Variants in PCDHA1 observed in about 807,000 individuals in gnomAD.
PCDHA1 encodes the protein protocadherin alpha 1.
A neutral mutation model predicts 61.3 loss-of-function variants in PCDHA1; 42 were observed. That is an observed-to-expected ratio of 0.69 (90% confidence interval 0.54 to 0.89). The LOEUF is 0.89. Ranked by LOEUF, PCDHA1 falls within the 40% of genes least tolerant of loss-of-function variation. PCDHA1 has a pLI of 0.00. For synonymous variants in PCDHA1, 610 were observed against 553.8 expected (o/e 1.10, Z -1.43); for missense variants, 1,256 against 1,235.3 (o/e 1.02, Z -0.25).
chr5:140,982,506 C>G lies in PCDHA1; in HGVS notation c.2485C>G (p.Arg829Gly). The change falls in exon 3 of 4, where the codon CGG (arginine) becomes GGG (glycine). Residue 829 changes from arginine to glycine, a missense_variant. Transcript: ENST00000504120. ...SVHLEEAGIL[R>G]AGPGGPDQQW... Reference sequence around the variant, plus strand: ...GCACCTAGAGGAGGCTGGCATTCTACGGGCTGGTCCAGGAGGGCCTGATCA... The same window carrying G: ...GCACCTAGAGGAGGCTGGCATTCTAGGGGCTGGTCCAGGAGGGCCTGATCA... 6.2e-7 allele frequency: 1 copy of G among 1,614,162 alleles called. No homozygotes were observed. Among genetic ancestry groups the G allele is most frequent in the Non-Finnish European group, 8.5e-7 (1 of 1,180,032 alleles).
intron 1 of PCDHA1, among the ~76,000 whole-genome samples, chr5:140,941,211 C>CT (rs59928198): frequency 0.24 from 30,589 of 127,372 alleles, 3,669 homozygotes; most frequent in South Asian, 0.38. Context: ...TCCTTTCTTT[C>CT]TTCCTTTCTT....
intron 1 of PCDHA1, among the ~76,000 whole-genome samples, chr5:140,916,163 C>T (rs546851152): frequency 4.6e-5 from 7 of 152,184 alleles, no homozygotes; most frequent in Admixed American, 1.3e-4. Context: ...TGAATGCTGC[C>T]AGGCCTGGGA....
intron 1 of PCDHA1, chr5:140,821,671 C>T: frequency 2.3e-6 from 3 of 1,291,108 alleles, no homozygotes; most frequent in Non-Finnish European, 3.2e-6. Context: ...CCAAGAAGCT[C>T]AGAAAGGCGA....
chr5:140,801,550 A>G lies in PCDHA1; in HGVS notation c.2394+12866A>G, dbSNP rs782806333. On this transcript the variant is annotated intron_variant, in intron 1 of 3. Transcript: ENST00000504120. The stretch of plus-strand genomic sequence containing the variant: ...GTGGACAGGCCGCTGCAGGTTTTCC[A>G]TGTGGAGGTGGAAGTGAAGGACATT... The G allele has an allele frequency of 4.8e-5, 77 of 1,614,100 alleles. No individual in the cohort carries two copies. The highest frequency in any genetic ancestry group is 5.7e-5 in the Non-Finnish European group (67 of 1,180,048).
intron 1 of PCDHA1, chr5:140,850,278 C>T: frequency 6.3e-7 from 1 of 1,595,340 alleles, no homozygotes; most frequent in Non-Finnish European, 8.6e-7. Flanking sequence ...GGGGAAGGTG[C>T]GCGCAGTGGA....
chr5:140,951,365 A>G (rs987513388), intron 1 of PCDHA1, among the ~76,000 whole-genome samples: 17 of 152,160 alleles, frequency 1.1e-4, no homozygotes, highest in African/African-American at 4.1e-4. Context: ...ACTGTTATAA[A>G]GAAACACCCA....
intron 1 of PCDHA1, among the ~76,000 whole-genome samples, chr5:140,833,257 C>T (rs1170733217): frequency 6.6e-6 from 1 of 152,092 alleles, no homozygotes; most frequent in African/African-American, 2.4e-5. Flanking sequence ...ACCAGGAGAG[C>T]AGCAATTATA....
chr5:141,009,717 A>C lies in PCDHA1; in HGVS notation c.2633A>C (p.Gln878Pro). Residue 878 changes from glutamine to proline, a missense_variant, in exon 4 of 4, where the codon CAA becomes CCA. Coordinates refer to ENST00000504120, the MANE Select transcript of PCDHA1 (RefSeq NM_018900.4). ...AAATACGGACCAGGCAACCCCAAAC[A>C]ATCCGGTCCCGGTGAGTTGCCCGAC... ...TFKYGPGNPK[Q>P]SGPGELPDKF... is the part of the protein sequence containing the mutation. 4 of 1,614,058 alleles carry C rather than the reference A, an allele frequency of 2.5e-6. No homozygotes were observed. The highest frequency in any genetic ancestry group is 3.4e-6 in the Non-Finnish European group (4 of 1,180,004).
chr5:140,959,578 A>G (rs1554224156), intron 1 of PCDHA1, among the ~76,000 whole-genome samples: 1 of 152,188 alleles, frequency 6.6e-6, no homozygotes, highest in Non-Finnish European at 1.5e-5. Flanking sequence ...TTTTGTTTCA[A>G]TTCTATCAGC....
intron 1 of PCDHA1, among the ~76,000 whole-genome samples, chr5:140,971,957 AC>A (rs1360214556): frequency 6.6e-6 from 1 of 152,060 alleles, no homozygotes; most frequent in Non-Finnish European, 1.5e-5. Flanking sequence ...GACTCCAAAA[AC>A]TTTTTTTCAA....
intron 1 of PCDHA1, chr5:140,836,173 T>G (rs2150254721): frequency 6.2e-7 from 1 of 1,613,820 alleles, no homozygotes; most frequent in South Asian, 1.1e-5. Context: ...GTACGTGCAG[T>G]TGACGCTGAC....
chr5:140,806,993 G>T, intron 1 of PCDHA1: 1 of 679,892 alleles, frequency 1.5e-6, no homozygotes, highest in Non-Finnish European at 2.4e-6. Context: ...GCCACATGAT[G>T]TCGCTCTTTA....
At chr5:140,789,800 C>T (rs1761553848) in intron 1 of PCDHA1, among the ~76,000 whole-genome samples, 2 of 152,190 alleles carry the variant, frequency 1.3e-5, no homozygotes, top group African/African-American at 4.8e-5. Flanking sequence ...GGTGCTGAGG[C>T]TCGCAAAACC....
intron 1 of PCDHA1, among the ~76,000 whole-genome samples, chr5:140,978,124 G>A (rs1554239035): frequency 6.6e-6 from 1 of 152,140 alleles, no homozygotes; most frequent in East Asian, 1.9e-4. Context: ...GTCTTTAGGT[G>A]CCCATATTTT....
intron 3 of PCDHA1, among the ~76,000 whole-genome samples, chr5:140,998,830 C>G (rs1385890461): frequency 6.6e-6 from 1 of 152,200 alleles, no homozygotes; most frequent in African/African-American, 2.4e-5. Flanking sequence ...TCCCAAAGTG[C>G]TGGATTACTG....
intron 1 of PCDHA1, chr5:140,803,072 G>T (rs782398516): frequency 1.2e-6 from 2 of 1,613,932 alleles, no homozygotes; most frequent in South Asian, 1.1e-5. Context: ...TTCGCGTGGG[G>T]CTGTACACGG....
intron 1 of PCDHA1, chr5:140,861,826 A>T (rs1350185354): frequency 1.9e-5 from 3 of 159,376 alleles, no homozygotes; most frequent in African/African-American, 7.2e-5. Flanking sequence ...CAGATAGGTA[A>T]GTCACTTCAG....
At chr5:140,872,801 C>T (rs2053909345) in intron 1 of PCDHA1, among the ~76,000 whole-genome samples, 1 of 152,086 alleles carries the variant, frequency 6.6e-6, no homozygotes, top group African/African-American at 2.4e-5. Context: ...GGCATTCTTC[C>T]ATAAGTTTTT....
chr5:140,787,362 C>T lies in PCDHA1; in HGVS notation c.1072C>T (p.Pro358Ser), dbSNP rs1761365401. Residue 358 changes from proline (P) to serine (S), a missense_variant, in exon 1 of 4, where the codon CCT (proline) becomes TCT (serine). Pro to Ser is a moderately conservative substitution (Grantham distance 74). Coordinates refer to ENST00000504120, the MANE Select transcript of PCDHA1 (RefSeq NM_018900.4). ...ACTGGCGGTCACTTCATTGTATTTG[C>T]CTATCAGAGAGGACGCTCCACTCAG... is the stretch of plus-strand genomic sequence containing the variant. ...PELAVTSLYL[P>S]IREDAPLSTV... The T allele has an allele frequency of 1.3e-5, 21 of 1,614,162 alleles. No homozygotes were observed. Among genetic ancestry groups the T allele is most frequent in the Non-Finnish European group, 1.7e-5 (20 of 1,180,026 alleles).
Sources: allele counts gnomAD v4.1 joint callset (sites outside exome capture counted in the v4.1 genomes callset), GRCh38; gene constraint gnomAD v4.1.1; transcripts MANE v1.5; gene names NCBI Gene and HGNC (gene_info 2026-07-23, HGNC 2026-07-21).